The following LAMA3 variants were observed in gnomAD, a reference collection of about 807,000 sequenced individuals.
The protein encoded by LAMA3 is laminin subunit alpha-3.
Under a neutral mutation model 402.0 loss-of-function variants are expected in LAMA3, and 281 were observed. The ratio of observed to expected loss-of-function variants is 0.70; its 90% CI spans 0.63 to 0.77. LAMA3 has a LOEUF of 0.77. Among genes scored for constraint, LAMA3 ranks in the 30% least tolerant of loss-of-function variants. The probability of loss-of-function intolerance (pLI) is 0.00; values close to 1 mark genes in which losing one functional copy is unlikely to be tolerated. For missense variants in LAMA3, 3,840 were observed against 4,215.5 expected, an observed-to-expected ratio of 0.91 and a Z score of 2.47; for synonymous variants, 1,431 against 1,558.4, an observed-to-expected ratio of 0.92 and a Z score of 1.93.
intron 47 of LAMA3, among the ~76,000 whole-genome samples, chr18:23,900,276 G>A (rs1017272964): frequency 1.3e-5 from 2 of 152,056 alleles, no homozygotes; most frequent in Non-Finnish European, 2.9e-5. Context: ...TTACCATTTT[G>A]GCCAGGCTGG....
In LAMA3 at chr18:23,825,124, G is replaced by T. The variant is rs887758635; in HGVS notation, c.2571+559G>T. 4.6e-5 allele frequency among the ~76,000 whole-genome samples: 7 copies of T among 152,198 alleles called. 1 individual carries two copies. Among genetic ancestry groups the T allele is most frequent in the Non-Finnish European group, 1.0e-4 (7 of 68,024 alleles). ...ACTGCTTCTCCATGACACTCTTTCTGCTTTCTTCTGTGTTAAACCTAAAGC... is the reference window on the plus strand; with the variant it reads ...ACTGCTTCTCCATGACACTCTTTCTTCTTTCTTCTGTGTTAAACCTAAAGC... On this transcript the variant is annotated intron_variant, in intron 21 of 74. Transcript: ENST00000313654.
intron 23 of LAMA3, among the ~76,000 whole-genome samples, chr18:23,832,258 A>G (rs1011872787): frequency 2.0e-5 from 3 of 152,116 alleles, no homozygotes; most frequent in African/African-American, 7.2e-5. Flanking sequence ...CAGGGGAGAA[A>G]TGCTGGCAGT....
At chr18:23,789,073 GTATA>G (rs1159143782) in intron 12 of LAMA3, among the ~76,000 whole-genome samples, 1 of 152,046 alleles carries the variant, frequency 6.6e-6, no homozygotes. Flanking sequence ...TGGCCAACTG[GTATA>G]TGAACAGATG....
At position 23,928,143 on chromosome 18, in the gene LAMA3, C is replaced by T. The variant is rs2082061420; in HGVS notation, c.8198C>T (p.Ala2733Val). The change falls in exon 63 of 75, where the codon GCT becomes GTT. Residue 2733 changes from alanine (A) to valine (V), a missense_variant. Ala to Val is a moderately conservative substitution (Grantham distance 64). Coordinates refer to ENST00000313654, the MANE Select transcript of LAMA3 (RefSeq NM_198129.4). Reference protein sequence around the residue: ...IRERFNISTPAFRGCMKNLKK... With the variant: ...IRERFNISTPVFRGCMKNLKK... ...ATCAGATTTAACATTTCTACGCCTG[C>T]TTTCCGAGGCTGCATGAAAAATTTG... 6.2e-7 allele frequency: 1 copy of T among 1,613,262 alleles called. No homozygotes were observed. The highest frequency in any genetic ancestry group is 8.5e-7 in the Non-Finnish European group (1 of 1,179,176).
intron 35 of LAMA3, 111 bp from the exon 36 acceptor site, chr18:23,864,674 T>C: frequency 1.4e-6 from 1 of 737,618 alleles, no homozygotes; most frequent in South Asian, 1.4e-5. Context: ...TGTTACCAGG[T>C]CGAGTGTGTT....
Position 23,820,590 on chromosome 18 carries a change from G to A in LAMA3, c.2304+593G>A, listed in dbSNP as rs142145242. On this transcript the variant is annotated intron_variant, in intron 19 of 74. Transcript: ENST00000313654. ...TCTTGGCTTTGTATTAGAATGAGTA[G>A]GGGAATTTATACATTCTTTGTTTAC... is the stretch of plus-strand genomic sequence containing the variant. 5.3e-5 allele frequency among the ~76,000 whole-genome samples: 8 copies of A among 152,166 alleles called. No homozygotes were observed. The East Asian group carries it at 1.5e-3, about 29-fold the overall frequency.
intron 37 of LAMA3, among the ~76,000 whole-genome samples, chr18:23,868,414 T>G (rs2064419863): frequency 6.6e-6 from 1 of 152,152 alleles, no homozygotes; most frequent in Non-Finnish European, 1.5e-5. Context: ...AAAAACCCCA[T>G]GAGTCAGCCT....
Position 23,751,029 on chromosome 18 carries a change from A to G in LAMA3, c.796A>G (p.Asn266Asp). Reference sequence around the variant, plus strand: ...CATCCGCTTGCGTTTTCTTAGAACCAATACGCTTCTTGGACACCTCATCTC... The same window carrying G: ...CATCCGCTTGCGTTTTCTTAGAACCGATACGCTTCTTGGACACCTCATCTC... ...TNIRLRFLRT[N>D]TLLGHLISKA... is the part of the protein sequence containing the mutation. Residue 266 changes from asparagine to aspartate, a missense_variant, in exon 5 of 75, where the codon AAT becomes GAT. Asn to Asp is a conservative substitution (Grantham distance 23, BLOSUM62 1). Transcript: ENST00000313654. 6.2e-7 allele frequency: 1 copy of G among 1,614,202 alleles called. No individual in the cohort carries two copies.
intron 38 of LAMA3, 126 bp downstream of exon 38, chr18:23,871,787 G>A (rs1210510262): frequency 1.5e-5 from 11 of 757,500 alleles, no homozygotes; most frequent in South Asian, 4.5e-5. Context: ...GTTTCTGCAG[G>A]GCTTATCTTA....
intron 10 of LAMA3, among the ~76,000 whole-genome samples, chr18:23,776,916 C>G (rs1173966670): frequency 6.6e-6 from 1 of 150,548 alleles, no homozygotes; most frequent in African/African-American, 2.5e-5. Context: ...TCTTGGCTCA[C>G]TGCAACCTCT....
intron 37 of LAMA3, among the ~76,000 whole-genome samples, chr18:23,869,935 G>A (rs189945594): frequency 6.6e-6 from 1 of 151,878 alleles, no homozygotes; most frequent in African/African-American, 2.4e-5. Context: ...AGGCGTGGTG[G>A]CACACACCTG....
chr18:23,858,717 T>G lies in LAMA3; in HGVS notation c.4310T>G (p.Val1437Gly). The stretch of plus-strand genomic sequence containing the variant: ...AATGTAGAAGGCACAGAGTGTAATG[T>G]GTGTCGAGAAGGCTCATTCCATTTG... Reference protein sequence around the residue: ...KENVEGTECNVCREGSFHLDP... With the variant: ...KENVEGTECNGCREGSFHLDP... The change falls in exon 34 of 75, where the codon GTG (valine) becomes GGG (glycine). Residue 1437 changes from valine (V) to glycine (G), a missense_variant. By Grantham distance (109) the Val-to-Gly change is moderately radical. This residue lies in a region of LAMA3 where 2,109 missense variants were observed against 2,376.0 expected (regional missense o/e 0.89). Transcript: ENST00000313654. 6.2e-7 allele frequency: 1 copy of G among 1,614,210 alleles called. No homozygotes were observed. Among genetic ancestry groups the G allele is most frequent in the Non-Finnish European group, 8.5e-7 (1 of 1,180,018 alleles).
intron 38 of LAMA3, chr18:23,873,044 G>T: frequency 1.2e-6 from 2 of 1,614,180 alleles, no homozygotes; most frequent in Non-Finnish European, 1.7e-6. Context: ...CAGGAACCGG[G>T]ATGCCTCCAG....
At chr18:23,776,075 T>G (rs1310882473) in intron 10 of LAMA3, 152 bp downstream of exon 10, 1 of 819,274 alleles carries the variant, frequency 1.2e-6, no homozygotes, top group Non-Finnish European at 2.1e-6. Context: ...TCTGAAAGTT[T>G]GGAATATAAA....
chr18:23,931,444 G>C (rs2082160821), intron 65 of LAMA3: 1 of 481,568 alleles, frequency 2.1e-6, no homozygotes, highest in Admixed American at 3.5e-5. Flanking sequence ...GTTGCTTGAG[G>C]CCAAGAGTTC....
At chr18:23,812,162 C>T (rs760864288) in intron 13 of LAMA3, among the ~76,000 whole-genome samples, 3 of 152,142 alleles carry the variant, frequency 2.0e-5, no homozygotes, top group African/African-American at 2.4e-5. Flanking sequence ...CGTGAGCCAC[C>T]ACTCCCAGCC....
intron 11 of LAMA3, among the ~76,000 whole-genome samples, chr18:23,783,150 G>T (rs2062470386): frequency 6.6e-6 from 1 of 152,170 alleles, no homozygotes; most frequent in Non-Finnish European, 1.5e-5. Flanking sequence ...AAGGAGGCCA[G>T]ACTGGTCCCT....
chr18:23,952,022 G>T (rs968295404), intron 73 of LAMA3, among the ~76,000 whole-genome samples: 1 of 152,140 alleles, frequency 6.6e-6, no homozygotes, highest in Non-Finnish European at 1.5e-5. Flanking sequence ...TGTTTTTGGA[G>T]CCCAGCACAC....
chr18:23,787,789 C>T lies in LAMA3; in HGVS notation c.1603+3632C>T, dbSNP rs113827644. Among the ~76,000 whole-genome samples the T allele has an allele frequency of 1.5e-3, 221 of 152,248 alleles. 1 individual carries two copies. The highest frequency in any genetic ancestry group is 4.7e-3 in the African/African-American group (195 of 41,558). ...CAGATGAACAAAAACTAACAGAATTCACCCAACCTGACTTATAAGAAATAA... is the reference window on the plus strand; with the variant it reads ...CAGATGAACAAAAACTAACAGAATTTACCCAACCTGACTTATAAGAAATAA... On this transcript the variant is annotated intron_variant, in intron 12 of 74. Coordinates refer to ENST00000313654, the MANE Select transcript of LAMA3 (RefSeq NM_198129.4).
Sources: gnomAD v4.1 joint callset for allele counts (sites outside exome capture counted in the v4.1 genomes callset) on GRCh38, gnomAD v4.1.1 for gene constraint, gnomAD v4.1.1 regional missense constraint, MANE v1.5 for transcripts, NCBI Gene and HGNC (gene_info 2026-07-23, HGNC 2026-07-21) for gene names.